Variants in ACTR10 observed in about 807,000 individuals in gnomAD.
The protein encoded by ACTR10 is actin related protein 10.
A neutral mutation model predicts 56.2 loss-of-function variants in ACTR10; 43 were observed. The ratio of observed to expected loss-of-function variants is 0.77; its 90% CI spans 0.60 to 0.99. ACTR10 has a LOEUF of 0.99. Ranked by LOEUF, ACTR10 falls within the 50% of genes least tolerant of loss-of-function variation. The pLI is 0.00. For missense variants in ACTR10, 466 were observed against 507.8 expected, an observed-to-expected ratio of 0.92 and a Z score of 0.79; for synonymous variants, 170 against 176.3, an observed-to-expected ratio of 0.96 and a Z score of 0.28.
intron 2 of ACTR10, among the ~76,000 whole-genome samples, chr14:58,205,039 G>A (rs1203684175): frequency 6.6e-6 from 1 of 151,958 alleles, no homozygotes; most frequent in African/African-American, 2.4e-5. Context: ...TAACCAACAA[G>A]GAGAAACCCT....
intron 10 of ACTR10, among the ~76,000 whole-genome samples, chr14:58,228,417 G>A (rs979653472): frequency 6.6e-6 from 1 of 152,030 alleles, no homozygotes; most frequent in Non-Finnish European, 1.5e-5. Flanking sequence ...CCAGGAGTTC[G>A]AGACCAGCCT....
At chr14:58,216,861 C>A (rs1889145552) in intron 7 of ACTR10, among the ~76,000 whole-genome samples, 1 of 152,230 alleles carries the variant, frequency 6.6e-6, no homozygotes, top group South Asian at 2.1e-4. Context: ...TGCCTCTTAA[C>A]TCACTTGTTT....
chr14:58,202,838 T>A lies in ACTR10; in HGVS notation c.78-17T>A. On this transcript the variant is annotated splice_polypyrimidine_tract_variant and intron_variant, in intron 1 of 12. Coordinates refer to ENST00000254286, the MANE Select transcript of ACTR10 (RefSeq NM_018477.3). ...AAAGAATACTATAAGTTGTTTCAAT[T>A]TTCCATTTATTTGCAGGTGTGGATT... is the stretch of plus-strand genomic sequence containing the variant. The A allele has an allele frequency of 6.4e-7, 1 of 1,557,088 alleles. No homozygotes were observed. The highest frequency in any genetic ancestry group is 8.8e-7 in the Non-Finnish European group (1 of 1,140,922).
intron 1 of ACTR10, among the ~76,000 whole-genome samples, chr14:58,202,386 C>T (rs573089292): frequency 6.6e-6 from 1 of 151,644 alleles, no homozygotes; most frequent in African/African-American, 2.4e-5. Context: ...TCGAGACTAT[C>T]CTGGCTAACA....
At chr14:58,224,012 T>G (rs1348200244) in intron 10 of ACTR10, among the ~76,000 whole-genome samples, 156 bp downstream of exon 10, 3 of 152,206 alleles carry the variant, frequency 2.0e-5, no homozygotes, top group Non-Finnish European at 4.4e-5. Context: ...TTCAGCTTTT[T>G]TTTTTTGAGA....
In ACTR10 at chr14:58,211,401, T is replaced by A. The variant is rs1320395961; in HGVS notation, c.450+2T>A. 1 of 1,607,830 alleles carries A rather than the reference T, an allele frequency of 6.2e-7. No individual in the cohort carries two copies. Among genetic ancestry groups the A allele is most frequent in the African/African-American group, 1.3e-5 (1 of 74,902 alleles). On this transcript the variant is annotated splice_donor_variant, in intron 5 of 12. Transcript: ENST00000254286. LOFTEE classifies it high-confidence loss of function. ...TATAGGGAAAGCCTGGTGTTACCCA[T>A]ATCTTTTTTGTCAGCCAGCCACCTT...
chr14:58,223,590 G>C, intron 8 of ACTR10, 32 bp from the exon 9 acceptor site: 3 of 1,552,336 alleles, frequency 1.9e-6, no homozygotes, highest in Non-Finnish European at 2.6e-6. Context: ...ATAATAACTA[G>C]CCATAATAAG....
Position 58,202,930 on chromosome 14 carries a change from AT to A in ACTR10, c.150+6del, listed in dbSNP as rs1269769088. ...TAAAAAGAGCTGGGATGCCTAAGGT[AT>A]TTAAAAAAAAATATTAGCAAAATAA... On this transcript the variant is annotated splice_donor_region_variant and intron_variant, in intron 2 of 12. Coordinates refer to ENST00000254286, the MANE Select transcript of ACTR10 (RefSeq NM_018477.3). 9.9e-6 allele frequency: 15 copies of A among 1,516,390 alleles called. No individual in the cohort carries two copies. Among genetic ancestry groups the A allele is most frequent in the African/African-American group, 8.9e-5 (6 of 67,602 alleles). 93.9% of individuals were successfully genotyped at this position (1,516,390 alleles called of 1,614,324 possible).
intron 12 of ACTR10, 142 bp from the exon 13 acceptor site, chr14:58,234,228 G>A: frequency 3.4e-6 from 2 of 589,922 alleles, no homozygotes; most frequent in Non-Finnish European, 5.6e-6. Flanking sequence ...TGGCTTAACT[G>A]GAATTACTTT....
chr14:58,219,392 G>C, intron 7 of ACTR10: 1 of 206,338 alleles, frequency 4.8e-6, no homozygotes, highest in Non-Finnish European at 9.7e-6. Flanking sequence ...AAGATTAAAA[G>C]ATTGTGTGTG....
chr14:58,203,594 G>T (rs1888783154), intron 2 of ACTR10, among the ~76,000 whole-genome samples: 1 of 151,866 alleles, frequency 6.6e-6, no homozygotes, highest in African/African-American at 2.4e-5. Context: ...TATGTAAATG[G>T]AATCATATAT....
rs1415798192 is a variant in ACTR10 at position 58,207,992 on chromosome 14, G to A, written c.207G>A (p.Lys69=). The change falls in exon 3 of 13, where the codon AAG becomes AAA. Residue 69 remains lysine, a synonymous_variant. Coordinates refer to ENST00000254286, the MANE Select transcript of ACTR10 (RefSeq NM_018477.3). The part of the protein sequence containing the change: ...INTEELYSYL[K]EFIHILYFRH... ...CAGAAGAATTATATTCCTACCTAAA[G>A]GAATTCATCCACATACTATATTTCA... 2.2e-5 allele frequency: 33 copies of A among 1,508,884 alleles called. No homozygotes were observed. Among genetic ancestry groups the A allele is most frequent in the East Asian group, 2.6e-5 (1 of 37,848 alleles). The allele number at this position is 1,508,884 out of a possible 1,614,324, so 93.5% of individuals were successfully genotyped here.
At chr14:58,224,393 A>G (rs1326722671) in intron 10 of ACTR10, among the ~76,000 whole-genome samples, 6 of 152,140 alleles carry the variant, frequency 3.9e-5, no homozygotes, top group Non-Finnish European at 8.8e-5. Flanking sequence ...TACAAGAATT[A>G]GCCACCACCA....
At chr14:58,218,189 T>C (rs761191987) in intron 7 of ACTR10, among the ~76,000 whole-genome samples, 3 of 152,234 alleles carry the variant, frequency 2.0e-5, no homozygotes, top group African/African-American at 4.8e-5. Flanking sequence ...AGAGAGAGCA[T>C]TGAAGTTGTG....
At chr14:58,227,779 A>G (rs1889436942) in intron 10 of ACTR10, among the ~76,000 whole-genome samples, 1 of 152,238 alleles carries the variant, frequency 6.6e-6, no homozygotes. Context: ...GGATTTTTAA[A>G]AGCTTTAAAA....
chr14:58,212,139 A>C (rs1329705354), intron 5 of ACTR10, among the ~76,000 whole-genome samples: 1 of 152,058 alleles, frequency 6.6e-6, no homozygotes, highest in East Asian at 1.9e-4. Flanking sequence ...CAGTTTCTTT[A>C]TCTATAAATT....
intron 1 of ACTR10, among the ~76,000 whole-genome samples, chr14:58,202,002 CAAAA>C (rs11460483): frequency 1.0e-5 from 1 of 99,074 alleles, no homozygotes. Flanking sequence ...GACCCTGCCT[CAAAA>C]AAAAAAAAAA....
rs771688502 is a variant in ACTR10 at position 58,234,571 on chromosome 14, CCTTG to C, written c.*24_*27del. 2 of 1,595,064 alleles carry C rather than the reference CCTTG, an allele frequency of 1.3e-6. No individual in the cohort carries two copies. Among genetic ancestry groups the C allele is most frequent in the Non-Finnish European group, 1.7e-6 (2 of 1,169,116 alleles). The stretch of plus-strand genomic sequence containing the variant: ...AAATAGAAGTTTGATTAAAAATCAA[CCTTG>C]CTTCATATCAAATATTTAACCAATT... On this transcript the variant is annotated 3_prime_UTR_variant, in exon 13 of 13. Coordinates refer to ENST00000254286, the MANE Select transcript of ACTR10 (RefSeq NM_018477.3).
At chr14:58,221,031 C>G (rs1419016230) in intron 8 of ACTR10, among the ~76,000 whole-genome samples, 1 of 152,048 alleles carries the variant, frequency 6.6e-6, no homozygotes, top group African/African-American at 2.4e-5. Flanking sequence ...TGACTGTAAT[C>G]CCAGCACTTT....
Sources: allele counts gnomAD v4.1 joint callset (sites outside exome capture counted in the v4.1 genomes callset), GRCh38; gene constraint gnomAD v4.1.1; transcripts MANE v1.5; gene names NCBI Gene and HGNC (gene_info 2026-07-23, HGNC 2026-07-21).